The following SMAP1 variants were observed in gnomAD, a reference collection of about 807,000 sequenced individuals.
The protein encoded by SMAP1 is stromal membrane-associated protein 1.
SMAP1 carries 24 observed loss-of-function variants against 58.5 expected under a neutral mutation model. The observed-to-expected ratio is 0.41, with a 90% CI of 0.30 to 0.58. The LOEUF (loss-of-function observed/expected upper bound fraction) is 0.58, where lower values mean the gene tolerates loss of function less well. Among genes scored for constraint, SMAP1 ranks in the 20% least tolerant of loss-of-function variants. The pLI is 0.29. For missense variants in SMAP1, 563 were observed against 566.3 expected (o/e 0.99, Z 0.06); for synonymous variants, 216 against 196.6 (o/e 1.10, Z -0.82).
intron 6 of SMAP1, among the ~76,000 whole-genome samples, chr6:70,833,218 A>G (rs1770434657): frequency 6.6e-6 from 1 of 152,218 alleles, no homozygotes; most frequent in South Asian, 2.1e-4. Context: ...AAATAAAAAT[A>G]GTGAGGTTAA....
At chr6:70,788,212 ACAC>A (rs1381661806) in intron 4 of SMAP1, among the ~76,000 whole-genome samples, 1 of 149,526 alleles carries the variant, frequency 6.7e-6, no homozygotes, top group African/African-American at 2.5e-5. Context: ...AAGAAACGAA[ACAC>A]CACATGTTCT....
At chr6:70,756,521 T>C (rs1359591132) in intron 3 of SMAP1, among the ~76,000 whole-genome samples, 1 of 152,020 alleles carries the variant, frequency 6.6e-6, no homozygotes, top group Non-Finnish European at 1.5e-5. Flanking sequence ...GTATAAAAAA[T>C]TGTGTGAGTA....
intron 4 of SMAP1, among the ~76,000 whole-genome samples, chr6:70,784,554 A>G (rs1216194146): frequency 6.6e-6 from 1 of 152,196 alleles, no homozygotes; most frequent in East Asian, 1.9e-4. Flanking sequence ...TATTCAGGAA[A>G]CCCATCTCAC....
At chr6:70,835,251 C>CAAAAA (rs778677881) in intron 6 of SMAP1, among the ~76,000 whole-genome samples, 29 of 57,868 alleles carry the variant, frequency 5.0e-4, no homozygotes, top group Non-Finnish European at 7.0e-4. Flanking sequence ...GACTCCGTCT[C>CAAAAA]AAAAAAAAAA....
rs147810962 is a variant in SMAP1 at position 70,801,420 on chromosome 6, T to C, written c.576+2683T>C. ...TTGTAGATTCTGGATATTAGCCCTT[T>C]GTCAGATGAGTAAATTGCAAAAATT... On this transcript the variant is annotated intron_variant, in intron 6 of 10. Transcript: ENST00000370455. Among the ~76,000 whole-genome samples the C allele has an allele frequency of 2.6e-5, 4 of 152,342 alleles. No individual in the cohort carries two copies. The East Asian group carries it at 7.7e-4, about 29-fold the overall frequency.
intron 3 of SMAP1, among the ~76,000 whole-genome samples, chr6:70,758,015 A>G (rs1201659797): frequency 2.6e-4 from 40 of 152,168 alleles, no homozygotes; most frequent in Non-Finnish European, 1.5e-5. Flanking sequence ...CCATCCCATT[A>G]CTGGGTATAT....
chr6:70,739,241 C>G (rs1765725232), intron 2 of SMAP1, among the ~76,000 whole-genome samples: 2 of 152,048 alleles, frequency 1.3e-5, no homozygotes, highest in Admixed American at 1.3e-4. Context: ...TTTCATGACA[C>G]TATTTTTTAA....
rs114100288 is a variant in SMAP1, at chr6:70,822,473, A to G, written c.577-14468A>G. On this transcript the variant is annotated intron_variant, in intron 6 of 10. Transcript: ENST00000370455. ...TGATCAGTCTGCCTTCAGAATATGT[A>G]TCCTTAACCAATATGCTATATGGCT... Among the ~76,000 whole-genome samples, 968 of 152,246 alleles carry G rather than the reference A, an allele frequency of 6.4e-3. 13 individuals carry two copies. The highest frequency in any genetic ancestry group is 0.022 in the African/African-American group (920 of 41,546).
intron 1 of SMAP1, among the ~76,000 whole-genome samples, chr6:70,683,150 ACTCTT>A (rs1314896621): frequency 1.4e-5 from 2 of 141,186 alleles, no homozygotes; most frequent in Non-Finnish European, 3.0e-5. Flanking sequence ...TTTTCTTGAT[ACTCTT>A]AAGATTTAAC....
intron 1 of SMAP1, among the ~76,000 whole-genome samples, chr6:70,728,449 C>A (rs1765276477): frequency 6.6e-6 from 1 of 152,108 alleles, no homozygotes; most frequent in South Asian, 2.1e-4. Context: ...AGATTTATTT[C>A]CATTTTTAAA....
chr6:70,742,344 C>T (rs1765850247), intron 2 of SMAP1, among the ~76,000 whole-genome samples: 1 of 152,150 alleles, frequency 6.6e-6, no homozygotes, highest in Non-Finnish European at 1.5e-5. Flanking sequence ...GCCAGATACC[C>T]TAAGTCATCT....
intron 6 of SMAP1, among the ~76,000 whole-genome samples, chr6:70,822,017 T>A (rs183467742): frequency 8.5e-5 from 13 of 152,308 alleles, no homozygotes; most frequent in Admixed American, 6.5e-4. Context: ...AGAGCTTTCA[T>A]TTCCTAGTTA....
At chr6:70,787,238 C>T (rs1262321292) in intron 4 of SMAP1, among the ~76,000 whole-genome samples, 1 of 152,180 alleles carries the variant, frequency 6.6e-6, no homozygotes, top group African/African-American at 2.4e-5. Context: ...GGGAAACTGG[C>T]TAGCCATATG....
chr6:70,737,626 G>GT (rs1487810093), intron 2 of SMAP1, among the ~76,000 whole-genome samples: 1 of 152,200 alleles, frequency 6.6e-6, no homozygotes, highest in African/African-American at 2.4e-5. Flanking sequence ...GTTTCCAGCA[G>GT]TTAGAACATT....
chr6:70,749,890 A>G (rs1766205274), intron 2 of SMAP1, among the ~76,000 whole-genome samples: 2 of 152,226 alleles, frequency 1.3e-5, no homozygotes, highest in Admixed American at 6.5e-5. Context: ...TTGGCCTAGG[A>G]CAAGTAGAAG....
At chr6:70,795,671 C>T (rs1309817488) in intron 5 of SMAP1, among the ~76,000 whole-genome samples, 1 of 152,110 alleles carries the variant, frequency 6.6e-6, no homozygotes, top group Middle Eastern at 3.4e-3. Context: ...CACAAACATT[C>T]AAACCATAGC....
At chr6:70,674,018 T>C (rs1031088898) in intron 1 of SMAP1, among the ~76,000 whole-genome samples, 1 of 152,186 alleles carries the variant, frequency 6.6e-6, no homozygotes, top group African/African-American at 2.4e-5. Flanking sequence ...TCTCCACCTT[T>C]ATTAACCTAT....
chr6:70,776,343 G>A (rs1319309546), intron 4 of SMAP1, among the ~76,000 whole-genome samples: 1 of 152,034 alleles, frequency 6.6e-6, no homozygotes, highest in African/African-American at 2.4e-5. Flanking sequence ...ACCACGCCCA[G>A]CTAATTTTTG....
At chr6:70,799,394 T>G (rs1473213462) in intron 6 of SMAP1, among the ~76,000 whole-genome samples, 1 of 152,102 alleles carries the variant, frequency 6.6e-6, no homozygotes, top group Non-Finnish European at 1.5e-5. Flanking sequence ...TGAAAATTAT[T>G]TTAGCAGTGA....
Sources: gnomAD v4.1 joint callset for allele counts (sites outside exome capture counted in the v4.1 genomes callset) on GRCh38, gnomAD v4.1.1 for gene constraint, MANE v1.5 for transcripts, NCBI Gene and HGNC (gene_info 2026-07-23, HGNC 2026-07-21) for gene names.